The following CNTN1 variants were observed in gnomAD, a reference collection of about 807,000 sequenced individuals.
CNTN1 encodes the protein contactin 1.
Under a neutral mutation model 126.4 loss-of-function variants are expected in CNTN1, and 38 were observed. That is an observed-to-expected ratio of 0.30 (90% CI 0.23 to 0.39). The LOEUF is 0.39. Among genes scored for constraint, CNTN1 ranks in the 10% least tolerant of loss-of-function variants. CNTN1 has a pLI of 1.00. For synonymous variants in CNTN1, 413 were observed against 422.6 expected (o/e 0.98, Z 0.28); for missense variants, 1,009 against 1,248.4 (o/e 0.81, Z 2.89).
intron 17 of CNTN1, among the ~76,000 whole-genome samples, chr12:41,000,033 T>A (rs1474489829): frequency 6.6e-6 from 1 of 152,102 alleles, no homozygotes; most frequent in Non-Finnish European, 1.5e-5. Context: ...ATGTCCCATT[T>A]TCCATGGACT....
rs777953120 is a variant in CNTN1 at position 40,822,148 on chromosome 12, C to CTTTTTTTTTTTTTTTTTTTTTTT, written c.-76-86207_-76-86185dup. Among the ~76,000 whole-genome samples, 189 of 47,256 alleles carry CTTTTTTTTTTTTTTTTTTTTTTT rather than the reference C, an allele frequency of 4.0e-3. 28 individuals carry two copies. The highest frequency in any genetic ancestry group is 7.5e-3 in the East Asian group (8 of 1,068). The allele number at this position is 47,256 out of a possible 152,430, so 31.0% of individuals were successfully genotyped here. ...TTTCCAGTCTAGACAAAATATAAAT[C>CTTTTTTTTTTTTTTTTTTTTTTT]TTTTTTTTTTTTTTTTTTTTTTTTG... On this transcript the variant is annotated intron_variant, in intron 1 of 23. Transcript: ENST00000551295.
At chr12:41,037,870 T>A (rs1364840134) in intron 23 of CNTN1, among the ~76,000 whole-genome samples, 2 of 152,070 alleles carry the variant, frequency 1.3e-5, no homozygotes, top group African/African-American at 4.8e-5. Flanking sequence ...TTAAATTATG[T>A]TTTTAGGCCA....
At chr12:40,795,350 C>T (rs1011423541) in intron 1 of CNTN1, among the ~76,000 whole-genome samples, 13 of 143,552 alleles carry the variant, frequency 9.1e-5, no homozygotes, top group Non-Finnish European at 1.8e-4. Context: ...CAAAGTCTCG[C>T]TCTGTCGCCA....
At chr12:40,756,263 A>G (rs542720902) in intron 1 of CNTN1, among the ~76,000 whole-genome samples, 11 of 152,232 alleles carry the variant, frequency 7.2e-5, no homozygotes, top group Non-Finnish European at 1.5e-5. Context: ...TGGTAGAACC[A>G]TTGGAGTTAA....
intron 1 of CNTN1, among the ~76,000 whole-genome samples, chr12:40,792,835 G>A (rs1940269383): frequency 6.6e-6 from 1 of 151,936 alleles, no homozygotes; most frequent in African/African-American, 2.4e-5. Flanking sequence ...TATTTCTTCA[G>A]CAGTGAAGGA....
chr12:40,722,392 A>G (rs1214367575), intron 1 of CNTN1, among the ~76,000 whole-genome samples: 2 of 152,238 alleles, frequency 1.3e-5, no homozygotes, highest in Admixed American at 1.3e-4. Context: ...ACACACATAT[A>G]CACAAGTTTC....
chr12:40,932,990 C>G lies in CNTN1; in HGVS notation c.704-471C>G, dbSNP rs150869992. ...GTCTGAGTAAATGTTTTCCTTCTTT[C>G]CCTCTCTCCTTCTCTCTTTTCAATT... is the stretch of plus-strand genomic sequence containing the variant. On this transcript the variant is annotated intron_variant, in intron 7 of 23. Transcript: ENST00000551295. Among the ~76,000 whole-genome samples, 162 of 150,426 alleles carry G rather than the reference C, an allele frequency of 1.1e-3. 2 individuals are homozygous for G. Among genetic ancestry groups the G allele is most frequent in the African/African-American group, 3.7e-3 (150 of 41,060 alleles).
chr12:40,975,702 T>G lies in CNTN1; in HGVS notation c.1805-5207T>G, dbSNP rs549239849. ...CAAATAGGAAAGAAAGAATAGTCCATAGAGGCAGCCACCATCTGAAGTACA... is the reference window on the plus strand; with the variant it reads ...CAAATAGGAAAGAAAGAATAGTCCAGAGAGGCAGCCACCATCTGAAGTACA... On this transcript the variant is annotated intron_variant, in intron 15 of 23. Transcript: ENST00000551295. Among the ~76,000 whole-genome samples the G allele has an allele frequency of 1.7e-4, 26 of 152,162 alleles. 1 individual carries two copies. In the South Asian group the frequency reaches 5.2e-3, roughly 30 times the overall value.
chr12:40,871,548 G>C (rs1014295950), intron 1 of CNTN1, among the ~76,000 whole-genome samples: 2 of 152,126 alleles, frequency 1.3e-5, no homozygotes, highest in African/African-American at 2.4e-5. Context: ...TCAATGGAGA[G>C]AAGAAGGACA....
intron 23 of CNTN1, among the ~76,000 whole-genome samples, chr12:41,032,176 G>A (rs929989080): frequency 6.6e-6 from 1 of 152,068 alleles, no homozygotes; most frequent in Non-Finnish European, 1.5e-5. Flanking sequence ...TTGCCTCCCA[G>A]TGTTGGCCTC....
intron 16 of CNTN1, among the ~76,000 whole-genome samples, chr12:40,986,948 A>G (rs1947969718): frequency 6.6e-6 from 1 of 152,192 alleles, no homozygotes; most frequent in Non-Finnish European, 1.5e-5. Context: ...TCTTGCTAAC[A>G]TCTGTGACTA....
chr12:40,846,076 G>T (rs1466658925), intron 1 of CNTN1, among the ~76,000 whole-genome samples: 1 of 152,092 alleles, frequency 6.6e-6, no homozygotes, highest in Non-Finnish European at 1.5e-5. Context: ...AATTACTTCA[G>T]CAATAACACT....
intron 1 of CNTN1, among the ~76,000 whole-genome samples, chr12:40,739,312 T>C (rs11836043): frequency 0.022 from 3,325 of 152,192 alleles, 52 homozygotes; most frequent in African/African-American, 0.045. Context: ...AAAAAGCTAG[T>C]TGCAGAATGA....
At chr12:40,704,413 T>TTTC (rs1219737198) in intron 1 of CNTN1, among the ~76,000 whole-genome samples, 4 of 152,176 alleles carry the variant, frequency 2.6e-5, no homozygotes, top group African/African-American at 9.6e-5. Flanking sequence ...TGCTGTTAGG[T>TTTC]ATCTTATGAA....
At chr12:40,861,135 A>C (rs1488806835) in intron 1 of CNTN1, among the ~76,000 whole-genome samples, 7 of 152,148 alleles carry the variant, frequency 4.6e-5, no homozygotes, top group African/African-American at 1.7e-4. Flanking sequence ...CTTTAAAGTT[A>C]ATTGAAGCCT....
intron 1 of CNTN1, among the ~76,000 whole-genome samples, chr12:40,792,517 A>G (rs1028355975): frequency 6.6e-6 from 1 of 152,114 alleles, no homozygotes; most frequent in African/African-American, 2.4e-5. Context: ...AACATTCAAG[A>G]AGACAGAAAA....
chr12:40,714,419 A>G (rs1941998361), intron 1 of CNTN1, among the ~76,000 whole-genome samples: 2 of 152,132 alleles, frequency 1.3e-5, no homozygotes, highest in South Asian at 4.1e-4. Context: ...TTATTTGTGA[A>G]GTTACGTTAT....
chr12:40,800,628 T>C (rs1345989450), intron 1 of CNTN1, among the ~76,000 whole-genome samples: 3 of 151,952 alleles, frequency 2.0e-5, no homozygotes, highest in Non-Finnish European at 4.4e-5. Flanking sequence ...AGTACAGACA[T>C]AGATCATACC....
chr12:41,005,749 G>A (rs371003776), intron 17 of CNTN1, among the ~76,000 whole-genome samples: 105 of 152,220 alleles, frequency 6.9e-4, no homozygotes, highest in African/African-American at 2.4e-3. Flanking sequence ...AATTCTTGTA[G>A]TGTGTCTTTT....
Sources: allele counts gnomAD v4.1 joint callset (sites outside exome capture counted in the v4.1 genomes callset), GRCh38; gene constraint gnomAD v4.1.1; transcripts MANE v1.5; gene names NCBI Gene and HGNC (gene_info 2026-07-23, HGNC 2026-07-21).